ZNF544: variants seen among roughly 807,000 people sequenced by gnomAD.
The protein encoded by ZNF544 is zinc finger protein AF020591.
In ZNF544, 10 loss-of-function variants were observed where a neutral mutation model predicts 13.5. That is an observed-to-expected ratio of 0.74 (90% confidence interval 0.46 to 1.25). The LOEUF is 1.25. ZNF544 is among the 50% of genes most tolerant of loss of function. The pLI is 0.00. For synonymous variants in ZNF544, 323 were observed against 300.5 expected (o/e 1.07, Z -0.77); for missense variants, 896 against 845.6 (o/e 1.06, Z -0.74).
intron 6 of ZNF544, among the ~76,000 whole-genome samples, chr19:58,256,331 G>A (rs260457): frequency 0.51 from 76,997 of 151,208 alleles, 19,781 homozygotes; most frequent in Middle Eastern, 0.62. Context: ...TTAAAAATAC[G>A]CCACACTTTG....
chr19:58,276,495 T>G (rs113298523), intron 6 of ZNF544: 180,609 of 1,008,278 alleles, frequency 0.18, 18,082 homozygotes, highest in Middle Eastern at 0.33. Flanking sequence ...TGAGATGGAG[T>G]CTCACTCTGT....
At chr19:58,233,560 A>G (rs716854) in intron 3 of ZNF544, among the ~76,000 whole-genome samples, 6,499 of 152,216 alleles carry the variant, frequency 0.043, 488 homozygotes, top group African/African-American at 0.15. Context: ...GTATGGTGTC[A>G]AGGTAGGTTA....
Position 58,269,610 on chromosome 19 carries a change from CA to C in ZNF544, c.245-6692del, listed in dbSNP as rs66778347. 9.0e-3 allele frequency among the ~76,000 whole-genome samples: 921 copies of C among 102,544 alleles called. 7 individuals are homozygous for C. Among genetic ancestry groups the C allele is most frequent in the African/African-American group, 0.022 (564 of 26,170 alleles). The allele number at this position is 102,544 out of a possible 152,430, so 67.3% of individuals were successfully genotyped here. On this transcript the variant is annotated intron_variant, in intron 5 of 6. Transcript: ENST00000595981. ...TGGGCGACAAAGCGAGACTCTGTCT[CA>C]AAAAAAAAAAAAAAAAAAAAGATGG...
rs1403639800 is a variant in ZNF544, at chr19:58,263,457, A to G, written c.*703A>G. 1 of 985,200 alleles carries G rather than the reference A, an allele frequency of 1.0e-6. No individual in the cohort carries two copies. Among genetic ancestry groups the G allele is most frequent in the Non-Finnish European group, 1.2e-6 (1 of 829,902 alleles). 61.0% of individuals were successfully genotyped at this position (985,200 alleles called of 1,614,324 possible). ...GCCTTGTGAGAGATTGAGACACTCT[A>G]AATAAATAATAACCAAGATGGGAAA... is the stretch of plus-strand genomic sequence containing the variant. On this transcript the variant is annotated 3_prime_UTR_variant, in exon 7 of 7. Transcript: ENST00000687789.
chr19:58,230,948 C>G (rs897468851), intron 3 of ZNF544, among the ~76,000 whole-genome samples: 3 of 152,078 alleles, frequency 2.0e-5, no homozygotes, highest in Admixed American at 6.6e-5. Context: ...GCCGATTTGT[C>G]TGCACAGAGA....
rs1486011112 is a variant in ZNF544, at chr19:58,261,594, G to A, written c.988G>A (p.Glu330Lys). ...TGGAGAGACCCCCTTCAGATGTGAGGAACGCTGTGCTGCCTTCCCCATGGC... is the reference window on the plus strand; with the variant it reads ...TGGAGAGACCCCCTTCAGATGTGAGAAACGCTGTGCTGCCTTCCCCATGGC... ...GPGETPFRCE[E>K]RCAAFPMASS... The change falls in exon 7 of 7, where the codon GAA becomes AAA. Residue 330 changes from glutamate (E) to lysine (K), a missense_variant. Transcript: ENST00000687789. 1 of 1,614,072 alleles carries A rather than the reference G, an allele frequency of 6.2e-7. No homozygotes were observed. Among genetic ancestry groups the A allele is most frequent in the Non-Finnish European group, 8.5e-7 (1 of 1,180,032 alleles).
intron 6 of ZNF544, chr19:58,257,367 T>C (rs1197936980): frequency 6.6e-6 from 1 of 152,228 alleles, no homozygotes; most frequent in Non-Finnish European, 1.5e-5. Context: ...TCGCAGAATT[T>C]TCTGGGGTTT....
chr19:58,262,597 A>T lies in ZNF544; in HGVS notation c.1991A>T (p.Gln664Leu). The change falls in exon 7 of 7, where the codon CAG (glutamine) becomes CTG (leucine). Residue 664 changes from glutamine (Q) to leucine (L), a missense_variant. By Grantham distance (113) the Gln-to-Leu change is moderately radical (BLOSUM62 -2). Coordinates refer to ENST00000687789, the MANE Select transcript of ZNF544 (RefSeq NM_014480.4). ...GGTGAGAAACCTTTTGAGTGTAGTC[A>T]GTGTGGGAAAGCCTTTTCAGGGAGC... ...HTGEKPFECSQCGKAFSGSSN... is the reference protein window; with the variant it reads ...HTGEKPFECSLCGKAFSGSSN... The T allele has an allele frequency of 6.2e-7, 1 of 1,614,202 alleles. No homozygotes were observed. Among genetic ancestry groups the T allele is most frequent in the South Asian group, 1.1e-5 (1 of 91,084 alleles).
Position 58,263,561 on chromosome 19 carries a change from A to G in ZNF544, c.*807A>G. 1 of 985,474 alleles carries G rather than the reference A, an allele frequency of 1.0e-6. No homozygotes were observed. The highest frequency in any genetic ancestry group is 1.2e-6 in the Non-Finnish European group (1 of 829,942). The allele number at this position is 985,474 out of a possible 1,614,324, so 61.0% of individuals were successfully genotyped here. On this transcript the variant is annotated 3_prime_UTR_variant, in exon 7 of 7. Transcript: ENST00000687789. Reference sequence around the variant, plus strand: ...AGAGTGGGGCTTCATGACCATGTGCATCAGAATTGCCTGGAGTGTGCACTG... The same window carrying G: ...AGAGTGGGGCTTCATGACCATGTGCGTCAGAATTGCCTGGAGTGTGCACTG...
intron 3 of ZNF544, among the ~76,000 whole-genome samples, chr19:58,232,378 G>T (rs867433801): frequency 3.0e-5 from 4 of 131,214 alleles, no homozygotes; most frequent in Non-Finnish European, 4.7e-5. Flanking sequence ...TTGAGACAGG[G>T]TCTCACTCTG....
rs774275637 is a variant in ZNF544 at position 58,262,530 on chromosome 19, G to GCAAGGAGCTCCTACCTTGTGATGCAT, written c.1927_1952dup (p.Arg652GlyfsTer6). 12 of 1,614,058 alleles carry GCAAGGAGCTCCTACCTTGTGATGCAT rather than the reference G, an allele frequency of 7.4e-6. No homozygotes were observed. The Admixed American group carries it at 1.3e-4, about 18-fold the overall frequency. On this transcript the variant is annotated frameshift_variant, in exon 7 of 7. Coordinates refer to ENST00000687789, the MANE Select transcript of ZNF544 (RefSeq NM_014480.4). LOFTEE classifies it low-confidence loss of function (END_TRUNC). Reference sequence around the variant, plus strand: ...ATGCAATCAGTGCAATAAAGCCTTTGCAAGGAGCTCCTACCTTGTGATGCA... The same window carrying GCAAGGAGCTCCTACCTTGTGATGCAT: ...ATGCAATCAGTGCAATAAAGCCTTTGCAAGGAGCTCCTACCTTGTGATGCATCAAGGAGCTCCTACCTTGTGATGCA...
intron 6 of ZNF544, among the ~76,000 whole-genome samples, chr19:58,250,305 A>C (rs573300348): frequency 6.6e-6 from 1 of 152,306 alleles, no homozygotes; most frequent in African/African-American, 2.4e-5. Context: ...ATTGGAGGTA[A>C]TTAGGCTTAG....
At chr19:58,237,104 A>C (rs2042575471) in intron 3 of ZNF544, among the ~76,000 whole-genome samples, 1 of 120,434 alleles carries the variant, frequency 8.3e-6, no homozygotes, top group Non-Finnish European at 1.7e-5. Context: ...TTACTCTGTC[A>C]CCCAGGCTGG....
chr19:58,250,150 C>G (rs532183744), intron 6 of ZNF544, among the ~76,000 whole-genome samples: 3 of 152,172 alleles, frequency 2.0e-5, no homozygotes, highest in Admixed American at 6.5e-5. Context: ...TTTTTCAAGA[C>G]AAGAATTTTC....
Position 58,262,582 on chromosome 19 carries a change from C to A in ZNF544, c.1976C>A (p.Pro659His). ...MHQRTHTGEK[P>H]FECSQCGKAF... Reference sequence around the variant, plus strand: ...CAGAGAACTCACACTGGTGAGAAACCTTTTGAGTGTAGTCAGTGTGGGAAA... The same window carrying A: ...CAGAGAACTCACACTGGTGAGAAACATTTTGAGTGTAGTCAGTGTGGGAAA... Residue 659 changes from proline (P) to histidine (H), a missense_variant, in exon 7 of 7, where the codon CCT (proline) becomes CAT (histidine). Physicochemically the swap from Pro to His is moderately conservative, Grantham distance 77. Transcript: ENST00000687789. 1 of 1,614,208 alleles carries A rather than the reference C, an allele frequency of 6.2e-7. No homozygotes were observed. Among genetic ancestry groups the A allele is most frequent in the Non-Finnish European group, 8.5e-7 (1 of 1,180,036 alleles).
chr19:58,236,280 A>T (rs2042363505), intron 3 of ZNF544, among the ~76,000 whole-genome samples: 1 of 151,890 alleles, frequency 6.6e-6, no homozygotes, highest in African/African-American at 2.4e-5. Context: ...CGGGCAGATC[A>T]CCTGAGGTCG....
intron 6 of ZNF544, among the ~76,000 whole-genome samples, chr19:58,256,126 A>T (rs260455): frequency 6.6e-6 from 1 of 152,118 alleles, no homozygotes; most frequent in South Asian, 2.1e-4. Context: ...TGGAAAGGGA[A>T]AAAGAGAGAG....
downstream of ZNF544, among the ~76,000 whole-genome samples, chr19:58,264,951 C>T (rs1466532396): frequency 6.6e-6 from 1 of 151,938 alleles, no homozygotes; most frequent in African/African-American, 2.4e-5. Context: ...GATGGTCTCA[C>T]CTGCAGTGAG....
chr19:58,229,973 C>T (rs971098840), intron 2 of ZNF544: 1 of 152,490 alleles, frequency 6.6e-6, no homozygotes, highest in African/African-American at 2.4e-5. Flanking sequence ...GGGTAGAAGT[C>T]ACAGTGCAAG....
Sources: gnomAD v4.1 joint callset for allele counts (sites outside exome capture counted in the v4.1 genomes callset) on GRCh38, gnomAD v4.1.1 for gene constraint, MANE v1.5 for transcripts, NCBI Gene and HGNC (gene_info 2026-07-23, HGNC 2026-07-21) for gene names.